The following TMEM41B variants were observed in gnomAD, a reference collection of about 807,000 sequenced individuals.
TMEM41B encodes protein stasimon.
Under a neutral mutation model 31.9 loss-of-function variants are expected in TMEM41B, and 18 were observed. That is an observed-to-expected ratio of 0.56 (90% CI 0.39 to 0.84). TMEM41B has a LOEUF of 0.84. Among genes scored for constraint, TMEM41B ranks in the 40% least tolerant of loss-of-function variants. TMEM41B has a pLI of 0.00. For missense variants in TMEM41B, 322 were observed against 348.0 expected (o/e 0.93, Z 0.59); for synonymous variants, 144 against 124.3 (o/e 1.16, Z -1.05).
chr11:9,307,741 C>T (rs539071123), intron 1 of TMEM41B, among the ~76,000 whole-genome samples: 153 of 151,150 alleles, frequency 1.0e-3, no homozygotes, highest in Non-Finnish European at 1.7e-3. Flanking sequence ...TGTGCCCAGC[C>T]AATAAAATCA....
At chr11:9,301,606 A>G (rs1388636327) in intron 1 of TMEM41B, among the ~76,000 whole-genome samples, 5 of 152,090 alleles carry the variant, frequency 3.3e-5, no homozygotes, top group African/African-American at 9.7e-5. Flanking sequence ...CCCCTGTCCC[A>G]TAAGGGGGCC....
chr11:9,310,975 T>C (rs1853546832), intron 1 of TMEM41B, among the ~76,000 whole-genome samples: 1 of 152,124 alleles, frequency 6.6e-6, no homozygotes, highest in South Asian at 2.1e-4. Flanking sequence ...TAAGCAGAAG[T>C]AAAAAATCAC....
chr11:9,312,765 G>C (rs910620036), intron 1 of TMEM41B, among the ~76,000 whole-genome samples: 1 of 152,082 alleles, frequency 6.6e-6, no homozygotes, highest in East Asian at 1.9e-4. Flanking sequence ...TTAGCCCGGC[G>C]TGGTGGTGGG....
chr11:9,311,237 G>A, intron 1 of TMEM41B: 1 of 1,484,340 alleles, frequency 6.7e-7, no homozygotes, highest in Admixed American at 1.8e-5. Flanking sequence ...TGATAGGAGA[G>A]CAGAACTGGT....
chr11:9,287,590 T>C (rs1013685054), intron 5 of TMEM41B, 112 bp downstream of exon 5: 24 of 639,122 alleles, frequency 3.8e-5, no homozygotes, highest in African/African-American at 9.6e-5. Flanking sequence ...TGAGTTAACT[T>C]AGGAATTAAT....
Position 9,295,402 on chromosome 11 carries a change from T to A in TMEM41B, c.240-15A>T. The A allele has an allele frequency of 6.7e-7, 1 of 1,497,972 alleles. No individual in the cohort carries two copies. The allele number at this position is 1,497,972 out of a possible 1,614,324, so 92.8% of individuals were successfully genotyped here. ...CTCTTTCTTCTCTGAAGAAATAAAG[T>A]GAAAAATTTTAGAACAGAATTTTGC... is the stretch of plus-strand genomic sequence containing the variant. On this transcript the variant is annotated splice_polypyrimidine_tract_variant and intron_variant, in intron 2 of 6. Transcript: ENST00000528080.
At chr11:9,293,345 C>T (rs1853002362) in intron 3 of TMEM41B, among the ~76,000 whole-genome samples, 1 of 151,932 alleles carries the variant, frequency 6.6e-6, no homozygotes, top group Non-Finnish European at 1.5e-5. Flanking sequence ...TCACGCAATC[C>T]TCCTGCTGAA....
intron 2 of TMEM41B, among the ~76,000 whole-genome samples, chr11:9,298,013 A>T (rs531758442): frequency 6.9e-6 from 1 of 145,670 alleles, no homozygotes; most frequent in African/African-American, 2.5e-5. Flanking sequence ...GCAGTGAGCC[A>T]TAACTGTGCC....
At chr11:9,288,070 A>G in intron 4 of TMEM41B, 1 of 442,452 alleles carries the variant, frequency 2.3e-6, no homozygotes, top group Non-Finnish European at 4.0e-6. Context: ...GCCTAAGAAT[A>G]AAATTTCAGG....
At chr11:9,294,989 TTAA>T (rs1335897653) in intron 3 of TMEM41B, 1 of 277,238 alleles carries the variant, frequency 3.6e-6, no homozygotes, top group Non-Finnish European at 6.0e-6. Context: ...AATAAACATC[TTAA>T]TAATATGCAA....
At chr11:9,289,532 T>C (rs1423589718) in intron 3 of TMEM41B, among the ~76,000 whole-genome samples, 2 of 152,212 alleles carry the variant, frequency 1.3e-5, no homozygotes, top group East Asian at 3.9e-4. Flanking sequence ...CACCTTCAAC[T>C]CTGTTCTCTT....
At chr11:9,291,258 T>C (rs1333794938) in intron 3 of TMEM41B, among the ~76,000 whole-genome samples, 3 of 152,026 alleles carry the variant, frequency 2.0e-5, no homozygotes, top group Non-Finnish European at 4.4e-5. Context: ...GGCAGGTGCC[T>C]GTAATCTCAG....
intron 5 of TMEM41B, among the ~76,000 whole-genome samples, chr11:9,287,165 G>A (rs1028914009): frequency 6.6e-6 from 1 of 151,920 alleles, no homozygotes; most frequent in African/African-American, 2.4e-5. Context: ...AAATTAGCCA[G>A]GCGTGGTGGC....
intron 1 of TMEM41B, among the ~76,000 whole-genome samples, chr11:9,305,197 G>C (rs1011340439): frequency 7.5e-5 from 11 of 147,100 alleles, no homozygotes; most frequent in Admixed American, 6.8e-4. Context: ...TAAGGAATGA[G>C]GGTAATATAT....
chr11:9,302,500 C>A (rs1240777069), intron 1 of TMEM41B, among the ~76,000 whole-genome samples: 3 of 99,110 alleles, frequency 3.0e-5, no homozygotes, highest in Non-Finnish European at 6.5e-5. Flanking sequence ...CCTATGTTGC[C>A]GAGGCTGGAC....
intron 2 of TMEM41B, among the ~76,000 whole-genome samples, chr11:9,297,435 T>C (rs1288069268): frequency 2.6e-5 from 4 of 152,188 alleles, no homozygotes; most frequent in African/African-American, 7.2e-5. Flanking sequence ...GGCCTAGGCC[T>C]GTAATCCCAG....
Position 9,314,476 on chromosome 11 carries a change from G to A in TMEM41B, c.-35C>T, listed in dbSNP as rs201238701. ...AAGGTGAAGGGAGCGGTGCGGTGCC[G>A]CGCCCCCTAAACAACAAAACTCTGT... is the stretch of plus-strand genomic sequence containing the variant. On this transcript the variant is annotated 5_prime_UTR_variant, in exon 1 of 7. Coordinates refer to ENST00000528080, the MANE Select transcript of TMEM41B (RefSeq NM_015012.4). 102 of 1,533,936 alleles carry A rather than the reference G, an allele frequency of 6.6e-5. No homozygotes were observed. In the East Asian group the frequency reaches 8.5e-4, roughly 13 times the overall value.
chr11:9,293,357 C>T (rs1338354387), intron 3 of TMEM41B, among the ~76,000 whole-genome samples: 2 of 151,834 alleles, frequency 1.3e-5, no homozygotes, highest in African/African-American at 4.8e-5. Flanking sequence ...CCTGCTGAAG[C>T]CTCCCAAAGT....
chr11:9,311,547 G>A (rs549138928), intron 1 of TMEM41B: 40 of 1,231,952 alleles, frequency 3.2e-5, no homozygotes, highest in Non-Finnish European at 4.3e-5. Flanking sequence ...ATTGCCTTGC[G>A]GAGCTCCTGG....
Sources: allele counts gnomAD v4.1 joint callset (sites outside exome capture counted in the v4.1 genomes callset), GRCh38; gene constraint gnomAD v4.1.1; transcripts MANE v1.5; gene names NCBI Gene and HGNC (gene_info 2026-07-23, HGNC 2026-07-21).